SH3GLB1: variants seen among roughly 807,000 people sequenced by gnomAD.
SH3GLB1 encodes the protein SH3 domain containing GRB2 like, endophilin B1.
SH3GLB1 carries 17 observed loss-of-function variants against 42.0 expected under a neutral mutation model. That is an observed-to-expected ratio of 0.40 (90% confidence interval 0.28 to 0.61). The LOEUF (loss-of-function observed/expected upper bound fraction) is 0.61, where lower values mean the gene tolerates loss of function less well. SH3GLB1 is among the 20% of genes least tolerant of loss of function. The probability of loss-of-function intolerance (pLI) is 0.36; values close to 1 mark genes in which losing one functional copy is unlikely to be tolerated. For synonymous variants in SH3GLB1, 132 were observed against 146.6 expected (o/e 0.90, Z 0.72); for missense variants, 355 against 426.3 (o/e 0.83, Z 1.47).
At position 86,743,558 on chromosome 1, in the gene SH3GLB1, T is replaced by C. The variant is rs1053220411; in HGVS notation, c.*323T>C. ...TTTTCATTAACAGCAAGCTTTTTCT[T>C]TTATGTAAAATAAATCTATTGTGAA... On this transcript the variant is annotated 3_prime_UTR_variant, in exon 9 of 9. Coordinates refer to ENST00000370558, the MANE Select transcript of SH3GLB1 (RefSeq NM_016009.5). 7 of 168,608 alleles carry C rather than the reference T, an allele frequency of 4.2e-5. No individual in the cohort carries two copies. Among genetic ancestry groups the C allele is most frequent in the Non-Finnish European group, 2.5e-5 (2 of 78,844 alleles). 10.4% of individuals were successfully genotyped at this position (168,608 alleles called of 1,614,324 possible). A position where few individuals can be genotyped will look rare whatever the true frequency, so the allele number is the denominator to read the frequency against.
At chr1:86,730,410 A>AT in intron 5 of SH3GLB1, 1 of 975,444 alleles carries the variant, frequency 1.0e-6, no homozygotes. Flanking sequence ...CTTGTTAATG[A>AT]TTTTTTTAAT....
At chr1:86,723,592 T>A (rs72961618) in intron 4 of SH3GLB1, among the ~76,000 whole-genome samples, 1 of 152,190 alleles carries the variant, frequency 6.6e-6, no homozygotes, top group African/African-American at 2.4e-5. Context: ...AATCTAAGAT[T>A]AAAGCAAACT....
At chr1:86,719,995 C>CAAAAAAAAAAAAAAAAAAAAAA (rs570115346) in intron 3 of SH3GLB1, among the ~76,000 whole-genome samples, 1 of 62,426 alleles carries the variant, frequency 1.6e-5, no homozygotes, top group Non-Finnish European at 3.3e-5. Context: ...GACTCTGTCT[C>CAAAAAAAAAAAAAAAAAAAAAA]AAAAAAAAAA....
intron 1 of SH3GLB1, among the ~76,000 whole-genome samples, chr1:86,707,613 T>C (rs894074683): frequency 1.3e-5 from 2 of 152,008 alleles, no homozygotes; most frequent in South Asian, 4.1e-4. Context: ...GATAAACTTA[T>C]ATCATATCTG....
At chr1:86,733,210 C>G (rs926769476) in intron 5 of SH3GLB1, among the ~76,000 whole-genome samples, 1 of 152,314 alleles carries the variant, frequency 6.6e-6, no homozygotes, top group East Asian at 1.9e-4. Flanking sequence ...ATTTCAACTT[C>G]TGACTTACTA....
Position 86,747,047 on chromosome 1 carries a change from T to C in SH3GLB1, c.*3812T>C, listed in dbSNP as rs1411201515. Reference sequence around the variant, plus strand: ...AAGGGCTCATGGAATCAGTCTTCCATGTGACAGCTTTTTAAATATTTTAAG... The same window carrying C: ...AAGGGCTCATGGAATCAGTCTTCCACGTGACAGCTTTTTAAATATTTTAAG... On this transcript the variant is annotated 3_prime_UTR_variant, in exon 9 of 9. Transcript: ENST00000370558. The C allele has an allele frequency of 1.3e-5, 2 of 152,674 alleles. No individual in the cohort carries two copies. Among genetic ancestry groups the C allele is most frequent in the Non-Finnish European group, 2.9e-5 (2 of 68,032 alleles). The allele number at this position is 152,674 out of a possible 1,614,324, so 9.5% of individuals were successfully genotyped here. A position where few individuals can be genotyped will look rare whatever the true frequency, so the allele number is the denominator to read the frequency against.
At chr1:86,713,355 T>C (rs1402650252) in intron 1 of SH3GLB1, among the ~76,000 whole-genome samples, 2 of 152,116 alleles carry the variant, frequency 1.3e-5, no homozygotes, top group Admixed American at 1.3e-4. Flanking sequence ...GTGCTGACAT[T>C]ACAGGCGGGG....
intron 4 of SH3GLB1, among the ~76,000 whole-genome samples, chr1:86,724,098 T>A (rs560098037): frequency 6.8e-6 from 1 of 147,580 alleles, no homozygotes; most frequent in East Asian, 2.2e-4. Flanking sequence ...TCCCAGACAC[T>A]TACAATGTTT....
chr1:86,737,018 A>G (rs1184528351), intron 7 of SH3GLB1, among the ~76,000 whole-genome samples: 1 of 152,216 alleles, frequency 6.6e-6, no homozygotes, highest in African/African-American at 2.4e-5. Flanking sequence ...AACAGCCATC[A>G]CTTTGGTTGA....
chr1:86,724,540 T>A, intron 5 of SH3GLB1, 135 bp downstream of exon 5: 1 of 694,096 alleles, frequency 1.4e-6, no homozygotes, highest in Non-Finnish European at 2.4e-6. Context: ...TATCAGAACT[T>A]AATACATCCA....
chr1:86,720,007 A>C (rs923359700), intron 3 of SH3GLB1, among the ~76,000 whole-genome samples: 1 of 151,614 alleles, frequency 6.6e-6, no homozygotes, highest in Non-Finnish European at 1.5e-5. Context: ...AAAAAAAAAA[A>C]AAAAAAAAAA....
rs1171231931 is a variant in SH3GLB1 at position 86,704,813 on chromosome 1, C to A, written c.-87C>A. 1.2e-6 allele frequency: 1 copy of A among 809,602 alleles called. No individual in the cohort carries two copies. The highest frequency in any genetic ancestry group is 1.9e-6 in the Non-Finnish European group (1 of 531,140). The allele number at this position is 809,602 out of a possible 1,614,324, so 50.2% of individuals were successfully genotyped here. A position where few individuals can be genotyped will look rare whatever the true frequency, so the allele number is the denominator to read the frequency against. On this transcript the variant is annotated 5_prime_UTR_variant, in exon 1 of 9. Transcript: ENST00000370558. ...CCTCCACCTACCACGTCTGCCCTCG[C>A]CGCTCTAGCCCTGCGCCCCAGCCCG...
rs760719333 is a variant in SH3GLB1, at chr1:86,743,113, T to C, written c.991-15T>C. On this transcript the variant is annotated splice_polypyrimidine_tract_variant and intron_variant, in intron 8 of 8. Coordinates refer to ENST00000370558, the MANE Select transcript of SH3GLB1 (RefSeq NM_016009.5). ...TTTTAATGTAGTTAATAACTGGAAG[T>C]ATTTTATTTTGCAGGTGATCACTGT... 2 of 1,586,094 alleles carry C rather than the reference T, an allele frequency of 1.3e-6. No individual in the cohort carries two copies. The highest frequency in any genetic ancestry group is 2.7e-5 in the African/African-American group (2 of 74,246).
intron 1 of SH3GLB1, among the ~76,000 whole-genome samples, chr1:86,713,339 C>T (rs1424801734): frequency 6.6e-6 from 1 of 152,036 alleles, no homozygotes; most frequent in Admixed American, 6.6e-5. Flanking sequence ...GCCTCAGCCT[C>T]CCAAAGTGCT....
chr1:86,728,535 C>T lies in SH3GLB1; in HGVS notation c.570+4130C>T, dbSNP rs539710055. ...TTCTACATCTTGAATAAAGTGCCTT[C>T]TCTTGCTATTAGCCGCTTGTAAAAT... On this transcript the variant is annotated intron_variant, in intron 5 of 8. Transcript: ENST00000370558. The T allele has an allele frequency of 5.2e-6, 6 of 1,153,150 alleles. No homozygotes were observed. The South Asian group carries it at 9.1e-5, about 18-fold the overall frequency. The allele number at this position is 1,153,150 out of a possible 1,614,324, so 71.4% of individuals were successfully genotyped here.
At chr1:86,723,031 G>A (rs968123708) in intron 4 of SH3GLB1, among the ~76,000 whole-genome samples, 3 of 152,092 alleles carry the variant, frequency 2.0e-5, no homozygotes, top group African/African-American at 7.2e-5. Context: ...TATTTTCTTA[G>A]TGATAGAGAA....
chr1:86,732,637 C>T (rs1344409202), intron 5 of SH3GLB1, among the ~76,000 whole-genome samples: 1 of 152,090 alleles, frequency 6.6e-6, no homozygotes, highest in African/African-American at 2.4e-5. Context: ...TACAGAAGGA[C>T]CTCCTAAGCT....
In SH3GLB1 at chr1:86,747,642, G is replaced by A. The variant is rs574811254; in HGVS notation, c.*4407G>A. On this transcript the variant is annotated 3_prime_UTR_variant, in exon 9 of 9. Coordinates refer to ENST00000370558, the MANE Select transcript of SH3GLB1 (RefSeq NM_016009.5). ...TGTGGAAGGTTTCTAGGAATGGATT[G>A]CTTAGTCTAAAGTAAGCACTACCAC... 6.6e-6 allele frequency: 1 copy of A among 152,302 alleles called. No individual in the cohort carries two copies. The highest frequency in any genetic ancestry group is 2.4e-5 in the African/African-American group (1 of 41,548). 9.4% of individuals were successfully genotyped at this position (152,302 alleles called of 1,614,324 possible).
At chr1:86,736,411 G>A (rs1655784586) in intron 7 of SH3GLB1, among the ~76,000 whole-genome samples, 1 of 152,192 alleles carries the variant, frequency 6.6e-6, no homozygotes, top group African/African-American at 2.4e-5. Context: ...CCTCAAAAAT[G>A]AATGGTAGCC....
Sources: allele counts gnomAD v4.1 joint callset (sites outside exome capture counted in the v4.1 genomes callset), GRCh38; gene constraint gnomAD v4.1.1; transcripts MANE v1.5; gene names NCBI Gene and HGNC (gene_info 2026-07-23, HGNC 2026-07-21).